Variants in GALNT17 observed in about 807,000 individuals in gnomAD.
GALNT17 encodes UDP-GalNAc:polypeptide N-acetylgalactosaminyltransferase-like 3.
In GALNT17, 29 loss-of-function variants were observed where a neutral mutation model predicts 63.7. That is an observed-to-expected ratio of 0.46 (90% CI 0.34 to 0.62). The LOEUF (loss-of-function observed/expected upper bound fraction) is 0.62, where lower values mean the gene tolerates loss of function less well. GALNT17 is among the 20% of genes least tolerant of loss of function. GALNT17 has a pLI of 0.01. For missense variants in GALNT17, 603 were observed against 799.6 expected, an observed-to-expected ratio of 0.75 and a Z score of 2.97; for synonymous variants, 305 against 318.3, an observed-to-expected ratio of 0.96 and a Z score of 0.45.
At chr7:71,155,002 G>A (rs984668194) in intron 1 of GALNT17, among the ~76,000 whole-genome samples, 1 of 151,890 alleles carries the variant, frequency 6.6e-6, no homozygotes, top group Non-Finnish European at 1.5e-5. Flanking sequence ...GGTAGACTGT[G>A]ATAACAGCCT....
intron 2 of GALNT17, among the ~76,000 whole-genome samples, chr7:71,349,363 A>G (rs1792151493): frequency 6.6e-6 from 1 of 152,220 alleles, no homozygotes; most frequent in Non-Finnish European, 1.5e-5. Context: ...AGAAAGGCTC[A>G]TCAGTATTAC....
In GALNT17 at chr7:71,580,399, TGATAGATAGATA is replaced by T. The variant is rs59745749; in HGVS notation, c.1080+9033_1080+9044del. On this transcript the variant is annotated intron_variant, in intron 6 of 10. Coordinates refer to ENST00000333538, the MANE Select transcript of GALNT17 (RefSeq NM_022479.3). ...GATGATAGATAAATTGATAGATGGATGATAGATAGATAGATAGATAGATAGATAGATAGATAG... is the reference window on the plus strand; with the variant it reads ...GATGATAGATAAATTGATAGATGGATGATAGATAGATAGATAGATAGATAG... 7.8e-3 allele frequency among the ~76,000 whole-genome samples: 1,146 copies of T among 147,580 alleles called. 2 individuals carry two copies. Among genetic ancestry groups the T allele is most frequent in the African/African-American group, 0.013 (517 of 40,016 alleles).
chr7:71,209,785 C>T (rs997179201), intron 1 of GALNT17, among the ~76,000 whole-genome samples: 1 of 152,100 alleles, frequency 6.6e-6, no homozygotes, highest in Admixed American at 6.6e-5. Context: ...CTTAACAGTT[C>T]CACATATCTG....
At chr7:71,605,829 C>T (rs1790038324) in intron 6 of GALNT17, among the ~76,000 whole-genome samples, 1 of 152,120 alleles carries the variant, frequency 6.6e-6, no homozygotes, top group Non-Finnish European at 1.5e-5. Flanking sequence ...CTAGCCCTAA[C>T]CCGAATCTAC....
chr7:71,533,729 C>T (rs756615287), intron 5 of GALNT17, among the ~76,000 whole-genome samples: 3 of 152,106 alleles, frequency 2.0e-5, no homozygotes, highest in Non-Finnish European at 4.4e-5. Flanking sequence ...TGGTTGCTCA[C>T]GGAAAGCCAA....
rs374712886 is a variant in GALNT17 at position 71,348,918 on chromosome 7, T to A, written c.422+13185T>A. 3.9e-5 allele frequency among the ~76,000 whole-genome samples: 6 copies of A among 152,240 alleles called. No homozygotes were observed. The East Asian group carries it at 1.2e-3, about 29-fold the overall frequency. ...AGTGCACTGAGTTAAAACCAACCCA[T>A]CCTAAACTTGCCTCCAGGCGTCTAC... On this transcript the variant is annotated intron_variant, in intron 2 of 10. Transcript: ENST00000333538.
chr7:71,346,652 A>G (rs1210538661), intron 2 of GALNT17, among the ~76,000 whole-genome samples: 1 of 151,502 alleles, frequency 6.6e-6, no homozygotes, highest in Non-Finnish European at 1.5e-5. Flanking sequence ...TGTCTGCAGA[A>G]TGGAACCTTC....
chr7:71,379,540 A>G (rs1006778553), intron 2 of GALNT17, among the ~76,000 whole-genome samples: 2 of 152,138 alleles, frequency 1.3e-5, no homozygotes, highest in Non-Finnish European at 2.9e-5. Flanking sequence ...GACTGGAACT[A>G]AGGCGGTAGC....
rs1267593485 is a variant in GALNT17, at chr7:71,335,612, G to A, written c.301G>A (p.Ala101Thr). The A allele has an allele frequency of 1.2e-6, 2 of 1,612,652 alleles. No individual in the cohort carries two copies. Among genetic ancestry groups the A allele is most frequent in the Non-Finnish European group, 1.7e-6 (2 of 1,179,394 alleles). ...YGGRGKGGLP[A>T]TLSPAEEEKA... ...TGGGCGGGGTAAAGGGGGCCTTCCGGCTACTCTTTCCCCGGCTGAAGAAGA... is the reference window on the plus strand; with the variant it reads ...TGGGCGGGGTAAAGGGGGCCTTCCGACTACTCTTTCCCCGGCTGAAGAAGA... Residue 101 changes from alanine to threonine, a missense_variant, in exon 2 of 11, where the codon GCT (alanine) becomes ACT (threonine). Physicochemically the swap from Ala to Thr is moderately conservative, Grantham distance 58. Transcript: ENST00000333538.
intron 1 of GALNT17, among the ~76,000 whole-genome samples, chr7:71,306,175 G>A (rs890699663): frequency 1.2e-4 from 19 of 152,288 alleles, no homozygotes; most frequent in African/African-American, 3.1e-4. Context: ...AGCCAAGATC[G>A]CATCATTGCA....
intron 6 of GALNT17, among the ~76,000 whole-genome samples, chr7:71,592,359 G>A (rs1161490661): frequency 6.6e-6 from 1 of 152,014 alleles, no homozygotes; most frequent in Non-Finnish European, 1.5e-5. Flanking sequence ...GCCAGCTGTA[G>A]TGGCAAGTGC....
At chr7:71,299,341 T>C (rs1791151717) in intron 1 of GALNT17, among the ~76,000 whole-genome samples, 1 of 152,208 alleles carries the variant, frequency 6.6e-6, no homozygotes, top group Non-Finnish European at 1.5e-5. Flanking sequence ...AACTGCCGTT[T>C]ATGAAGTCAC....
intron 2 of GALNT17, among the ~76,000 whole-genome samples, chr7:71,351,859 G>A (rs1033387619): frequency 2.0e-5 from 3 of 152,178 alleles, no homozygotes; most frequent in African/African-American, 7.2e-5. Flanking sequence ...ACATAGCGAA[G>A]TGTCCTGATC....
intron 1 of GALNT17, among the ~76,000 whole-genome samples, chr7:71,186,487 A>G (rs1788853591): frequency 6.6e-6 from 1 of 152,182 alleles, no homozygotes; most frequent in Non-Finnish European, 1.5e-5. Context: ...TTCTTTGGAC[A>G]CTTCATGGCC....
At chr7:71,253,451 A>G (rs1394473497) in intron 1 of GALNT17, among the ~76,000 whole-genome samples, 1 of 151,618 alleles carries the variant, frequency 6.6e-6, no homozygotes, top group African/African-American at 2.4e-5. Context: ...CATGGGAATT[A>G]TGGGAGCTAG....
At chr7:71,388,500 C>G in intron 3 of GALNT17, 99 bp downstream of exon 3, 6 of 1,405,288 alleles carry the variant, frequency 4.3e-6, no homozygotes, top group Non-Finnish European at 5.8e-6. Flanking sequence ...CTCCTGGTCC[C>G]TGGAGCATAT....
intron 9 of GALNT17, among the ~76,000 whole-genome samples, chr7:71,701,344 G>T (rs1304266496): frequency 1.3e-5 from 2 of 151,958 alleles, no homozygotes; most frequent in African/African-American, 4.8e-5. Context: ...AAAATTAGCT[G>T]GGCATGGTGG....
chr7:71,643,966 T>C (rs1457758815), intron 6 of GALNT17, among the ~76,000 whole-genome samples: 1 of 152,190 alleles, frequency 6.6e-6, no homozygotes, highest in African/African-American at 2.4e-5. Context: ...CCAGGTGCGA[T>C]ATCCAGCTTT....
In GALNT17 at chr7:71,665,475, A is replaced by T. The variant is rs374598989; in HGVS notation, c.1145A>T (p.Lys382Met). The T allele has an allele frequency of 1.2e-6, 2 of 1,613,464 alleles. No individual in the cohort carries two copies. The highest frequency in any genetic ancestry group is 2.7e-5 in the African/African-American group (2 of 74,868). Reference protein sequence around the residue: ...PCSRVAHIERKKKPYNSNIGF... With the variant: ...PCSRVAHIERMKKPYNSNIGF... Reference sequence around the variant, plus strand: ...TCACGGGTGGCCCACATTGAGCGGAAGAAGAAGCCATATAATAGCAACATT... The same window carrying T: ...TCACGGGTGGCCCACATTGAGCGGATGAAGAAGCCATATAATAGCAACATT... The change falls in exon 7 of 11, where the codon AAG becomes ATG. Residue 382 changes from lysine (K) to methionine (M), a missense_variant. Transcript: ENST00000333538.
Sources: gnomAD v4.1 joint callset for allele counts (sites outside exome capture counted in the v4.1 genomes callset) on GRCh38, gnomAD v4.1.1 for gene constraint, MANE v1.5 for transcripts, NCBI Gene and HGNC (gene_info 2026-07-23, HGNC 2026-07-21) for gene names.